The following NAV2 variants were observed in gnomAD, a reference collection of about 807,000 sequenced individuals.
NAV2 encodes the protein helicase, APC down-regulated 1.
Under a neutral mutation model 223.2 loss-of-function variants are expected in NAV2, and 54 were observed. That is an observed-to-expected ratio of 0.24 (90% CI 0.19 to 0.30). The LOEUF is 0.30. NAV2 is among the 10% of genes least tolerant of loss of function. NAV2 has a pLI of 1.00. For missense variants in NAV2, 2,806 were observed against 3,147.5 expected (o/e 0.89, Z 2.60); for synonymous variants, 1,279 against 1,239.3 (o/e 1.03, Z -0.67).
intron 1 of NAV2, among the ~76,000 whole-genome samples, chr11:19,517,309 G>A (rs2043489376): frequency 6.6e-6 from 1 of 152,134 alleles, no homozygotes; most frequent in Non-Finnish European, 1.5e-5. Flanking sequence ...TTATCTCCCT[G>A]GTTTAAGTCT....
At chr11:19,377,495 A>T (rs1318161600) in intron 1 of NAV2, among the ~76,000 whole-genome samples, 1 of 152,068 alleles carries the variant, frequency 6.6e-6, no homozygotes, top group Non-Finnish European at 1.5e-5. Context: ...CTGTGTTTGG[A>T]TATTTGCATG....
chr11:20,071,432 C>A (rs10833231), intron 22 of NAV2, among the ~76,000 whole-genome samples: 3 of 151,834 alleles, frequency 2.0e-5, no homozygotes, highest in Non-Finnish European at 4.4e-5. Context: ...CGTGTGCATG[C>A]GTCTTTATAG....
At chr11:19,348,972 G>A (rs1359266360), upstream of NAV2, among the ~76,000 whole-genome samples, 2 of 152,210 alleles carry the variant, frequency 1.3e-5, no homozygotes, top group Non-Finnish European at 2.9e-5. Context: ...ATGATTCTGA[G>A]GTTTCACCTT....
At chr11:19,682,795 C>T (rs998109999) in intron 1 of NAV2, among the ~76,000 whole-genome samples, 3 of 152,170 alleles carry the variant, frequency 2.0e-5, no homozygotes, top group Non-Finnish European at 4.4e-5. Context: ...GACGCTAAGC[C>T]GTTCATGAGG....
intron 8 of NAV2, among the ~76,000 whole-genome samples, chr11:19,944,261 G>A (rs979451937): frequency 6.6e-6 from 1 of 152,168 alleles, no homozygotes; most frequent in African/African-American, 2.4e-5. Context: ...ACTGCACTGT[G>A]TCCTAGCTTG....
At position 20,054,202 on chromosome 11, in the gene NAV2, C is replaced by T; in HGVS notation, c.4604C>T (p.Thr1535Ile). The T allele has an allele frequency of 6.2e-7, 1 of 1,612,662 alleles. No homozygotes were observed. Among genetic ancestry groups the T allele is most frequent in the Non-Finnish European group, 8.5e-7 (1 of 1,179,752 alleles). ...CCCTTTTCCTCTGGCTCCAGCGTGA[C>T]TTCTCCCTCCGGAACAAGATTCAAC... The part of the protein sequence containing the change: ...NSPFSSGSSV[T>I]SPSGTRFNFS... Residue 1535 changes from threonine to isoleucine, a missense_variant, in exon 18 of 38, where the codon ACT (threonine) becomes ATT (isoleucine). Thr to Ile is a moderately conservative substitution (Grantham distance 89, BLOSUM62 -1). This residue lies in a region of NAV2 where 742 missense variants were observed against 777.9 expected (regional missense o/e 0.95). Coordinates refer to ENST00000349880, the MANE Select transcript of NAV2 (RefSeq NM_145117.5).
intron 7 of NAV2, among the ~76,000 whole-genome samples, chr11:19,935,471 T>C (rs1291870768): frequency 6.6e-6 from 1 of 152,186 alleles, no homozygotes; most frequent in Admixed American, 6.5e-5. Context: ...TTCAGGTGCA[T>C]AGGTGCATGC....
intron 19 of NAV2, among the ~76,000 whole-genome samples, chr11:20,059,917 C>G (rs2058600580): frequency 6.6e-6 from 1 of 152,186 alleles, no homozygotes; most frequent in African/African-American, 2.4e-5. Flanking sequence ...TGGCTCAATT[C>G]CCTTGAAGGA....
chr11:19,353,988 C>A (rs565208535), intron 1 of NAV2, among the ~76,000 whole-genome samples: 1 of 152,284 alleles, frequency 6.6e-6, no homozygotes, highest in South Asian at 2.1e-4. Flanking sequence ...CATACACACC[C>A]AAATCATGCC....
At chr11:19,896,459 A>G (rs1007428968) in intron 6 of NAV2, among the ~76,000 whole-genome samples, 1 of 152,132 alleles carries the variant, frequency 6.6e-6, no homozygotes, top group Non-Finnish European at 1.5e-5. Context: ...CTACTGAAGA[A>G]TTAAATAATT....
At chr11:19,400,665 A>G (rs1229787277) in intron 1 of NAV2, among the ~76,000 whole-genome samples, 2 of 152,212 alleles carry the variant, frequency 1.3e-5, no homozygotes, top group Non-Finnish European at 2.9e-5. Context: ...GAATTAGAAA[A>G]AGGTACCCTT....
chr11:19,833,205 C>T (rs2060046216), intron 2 of NAV2, among the ~76,000 whole-genome samples: 1 of 152,090 alleles, frequency 6.6e-6, no homozygotes, highest in Admixed American at 6.5e-5. Context: ...AGGTAACCAC[C>T]CCATGGGCCT....
chr11:19,387,539 G>T (rs1849089991), intron 1 of NAV2, among the ~76,000 whole-genome samples: 1 of 152,036 alleles, frequency 6.6e-6, no homozygotes, highest in South Asian at 2.1e-4. Context: ...TAGCCAAGTG[G>T]AACGGAAAAG....
At chr11:20,090,768 C>T (rs1307826532) in intron 26 of NAV2, 97 bp from the exon 27 acceptor site, 17 of 1,319,984 alleles carry the variant, frequency 1.3e-5, no homozygotes, top group Admixed American at 2.0e-5. Flanking sequence ...TGGTTATTCA[C>T]AGTTACTGCT....
At chr11:19,482,674 G>A (rs1018952367) in intron 1 of NAV2, among the ~76,000 whole-genome samples, 4 of 152,198 alleles carry the variant, frequency 2.6e-5, no homozygotes, top group Admixed American at 2.0e-4. Flanking sequence ...GGTCCAGAGA[G>A]GCTGAGAAGT....
intron 1 of NAV2, among the ~76,000 whole-genome samples, chr11:19,614,966 G>C (rs980269459): frequency 6.6e-6 from 1 of 151,804 alleles, no homozygotes; most frequent in Admixed American, 6.6e-5. Context: ...TGTGACTTCT[G>C]TCCCACCCCC....
intron 11 of NAV2, among the ~76,000 whole-genome samples, chr11:19,996,840 G>C (rs778434620): frequency 2.0e-5 from 3 of 152,214 alleles, no homozygotes; most frequent in Non-Finnish European, 4.4e-5. Flanking sequence ...GATCTGAAGA[G>C]AGACCCTGAC....
At chr11:19,466,436 G>A (rs571884838) in intron 1 of NAV2, among the ~76,000 whole-genome samples, 1 of 152,330 alleles carries the variant, frequency 6.6e-6, no homozygotes, top group East Asian at 1.9e-4. Flanking sequence ...GTTTCTGAAA[G>A]TCTGTGAACA....
rs77274117 is a variant in NAV2 at position 19,976,695 on chromosome 11, C to T, written c.2646-7430C>T. ...CAGCAGCCTTGACTTCCTGCTGTAC[C>T]TTGACCAGAGGATTTATCTGGGTTT... On this transcript the variant is annotated intron_variant, in intron 10 of 37. Coordinates refer to ENST00000349880, the MANE Select transcript of NAV2 (RefSeq NM_145117.5). Among the ~76,000 whole-genome samples the T allele has an allele frequency of 3.9e-5, 6 of 152,192 alleles. No individual in the cohort carries two copies. The East Asian group carries it at 1.2e-3, about 29-fold the overall frequency.
Sources: allele counts gnomAD v4.1 joint callset (sites outside exome capture counted in the v4.1 genomes callset), GRCh38; gene constraint gnomAD v4.1.1; regional missense constraint gnomAD v4.1.1; transcripts MANE v1.5; gene names NCBI Gene and HGNC (gene_info 2026-07-23, HGNC 2026-07-21).